Variants in PDE4A observed in about 807,000 individuals in gnomAD.
The protein encoded by PDE4A is 3',5'-cyclic-AMP phosphodiesterase 4A.
A neutral mutation model predicts 73.9 loss-of-function variants in PDE4A; 21 were observed. The ratio of observed to expected loss-of-function variants is 0.28; its 90% CI spans 0.20 to 0.41. PDE4A has a LOEUF of 0.41. Among genes scored for constraint, PDE4A ranks in the 10% least tolerant of loss-of-function variants. The probability of loss-of-function intolerance (pLI) is 1.00; values close to 1 mark genes in which losing one functional copy is unlikely to be tolerated. For synonymous variants in PDE4A, 463 were observed against 505.4 expected, an observed-to-expected ratio of 0.92 and a Z score of 1.13; for missense variants, 958 against 1,211.4, an observed-to-expected ratio of 0.79 and a Z score of 3.10.
chr19:10,425,578 T>C (rs1434776916), intron 1 of PDE4A, among the ~76,000 whole-genome samples: 1 of 152,162 alleles, frequency 6.6e-6, no homozygotes, highest in African/African-American at 2.4e-5. Flanking sequence ...GACTGCAGGC[T>C]CTTATGACTT....
rs1307093301 is a variant in PDE4A, at chr19:10,459,737, T to C, written c.1343T>C (p.Leu448Pro). Reference protein sequence around the residue: ...AADVLQSTHVLLATPALDAVF... With the variant: ...AADVLQSTHVPLATPALDAVF... ...GACGTGCTGCAGTCCACCCACGTAC[T>C]GCTGGCCACGCCTGCACTAGATGTG... Residue 448 changes from leucine (L) to proline (P), a missense_variant, in exon 10 of 15, where the codon CTG (leucine) becomes CCG (proline). Coordinates refer to ENST00000380702, the MANE Select transcript of PDE4A (RefSeq NM_001111307.2). 1 of 1,612,582 alleles carries C rather than the reference T, an allele frequency of 6.2e-7. No individual in the cohort carries two copies. The highest frequency in any genetic ancestry group is 1.1e-5 in the South Asian group (1 of 90,948).
In PDE4A at chr19:10,461,602, G is replaced by A; in HGVS notation, c.1542G>A (p.Leu514=). 6.2e-7 allele frequency: 1 copy of A among 1,613,710 alleles called. No individual in the cohort carries two copies. Among genetic ancestry groups the A allele is most frequent in the Non-Finnish European group, 8.5e-7 (1 of 1,179,870 alleles). Residue 514 remains leucine (L), a synonymous_variant, in exon 12 of 15, where the codon CTG becomes CTA. Transcript: ENST00000380702. ...NHHLAVGFKL[L]QEDNCDIFQN... ...ACCTGGCCGTGGGCTTCAAGCTGCT[G>A]CAGGAGGACAACTGCGACATCTTCC...
At position 10,453,145 on chromosome 19, in the gene PDE4A, C is replaced by T. The variant is rs1599440323; in HGVS notation, c.784-1684C>T. ...CCTGCTGGGCCGGCCCAGGCCCCTC[C>T]GCGGCTCCCCCTTCCACTACCCACC... On this transcript the variant is annotated intron_variant, in intron 6 of 14. Transcript: ENST00000380702. The surrounding 1 kb of genome is among the most constrained non-coding windows in gnomAD (Gnocchi z 4.6). 3.5e-6 allele frequency: 5 copies of T among 1,429,956 alleles called. No individual in the cohort carries two copies. Among genetic ancestry groups the T allele is most frequent in the South Asian group, 1.5e-5 (1 of 67,446 alleles). The allele number at this position is 1,429,956 out of a possible 1,614,324, so 88.6% of individuals were successfully genotyped here.
chr19:10,460,178 C>T (rs184450497), intron 10 of PDE4A, among the ~76,000 whole-genome samples: 47 of 151,818 alleles, frequency 3.1e-4, no homozygotes, highest in Non-Finnish European at 4.7e-4. Flanking sequence ...CCACTGTGCC[C>T]GGTCAAAAAT....
intron 10 of PDE4A, 168 bp from the exon 11 acceptor site, chr19:10,460,836 G>T: frequency 2.2e-5 from 4 of 185,474 alleles, no homozygotes; most frequent in South Asian, 1.8e-4. Flanking sequence ...TTAAATTTGA[G>T]ACAGGGCCTT....
chr19:10,448,747 G>A (rs983049345), intron 2 of PDE4A, 170 bp from the exon 3 acceptor site: 5 of 901,088 alleles, frequency 5.5e-6, no homozygotes, highest in African/African-American at 1.8e-5. Flanking sequence ...TTTCTTCCAC[G>A]ATCAGCCCTG....
intron 2 of PDE4A, among the ~76,000 whole-genome samples, chr19:10,448,479 A>T (rs1201768658): frequency 6.6e-6 from 1 of 151,924 alleles, no homozygotes; most frequent in Non-Finnish European, 1.5e-5. Context: ...TCTACTAAAA[A>T]TACAAAAATT....
intron 1 of PDE4A, among the ~76,000 whole-genome samples, chr19:10,439,982 C>CTTT (rs1162121051): frequency 0.12 from 13,391 of 113,876 alleles, 1,242 homozygotes; most frequent in South Asian, 0.18. Context: ...ATGGTATCTC[C>CTTT]TTTTTTTTTT....
At chr19:10,426,597 G>GCC (rs2042721258) in intron 1 of PDE4A, among the ~76,000 whole-genome samples, 1 of 152,120 alleles carries the variant, frequency 6.6e-6, no homozygotes, top group Non-Finnish European at 1.5e-5. Flanking sequence ...AGGGCTGGGT[G>GCC]CGGTGGCTCA....
In PDE4A at chr19:10,449,031, G is replaced by T. The variant is rs368598645; in HGVS notation, c.550-49G>T. 2.5e-6 allele frequency: 4 copies of T among 1,610,806 alleles called. No individual in the cohort carries two copies. In the Admixed American group the frequency reaches 6.7e-5, roughly 27 times the overall value. ...ACACTTGGGGACAGGGCCCAGCCCC[G>T]CTGCCTCTCTAGGGGAACCCCACTC... On this transcript the variant is annotated intron_variant, in intron 3 of 14. Coordinates refer to ENST00000380702, the MANE Select transcript of PDE4A (RefSeq NM_001111307.2).
At chr19:10,446,463 G>A in intron 2 of PDE4A, 54 bp downstream of exon 2, 1 of 1,570,140 alleles carries the variant, frequency 6.4e-7, no homozygotes, top group South Asian at 1.2e-5. Flanking sequence ...CCTGCTGGAA[G>A]CTGCCCTTCC....
chr19:10,434,152 TCTTC>T lies in PDE4A; in HGVS notation c.321-12050_321-12047del, dbSNP rs939436331. Reference sequence around the variant, plus strand: ...CTTTATGTGCCTCAGTTTCTTTCTTTCTTCCTTCCTTCCTTCCTTTCTTTCTTCC... The same window carrying T: ...CTTTATGTGCCTCAGTTTCTTTCTTTCTTCCTTCCTTCCTTTCTTTCTTCC... On this transcript the variant is annotated intron_variant, in intron 1 of 14. Transcript: ENST00000380702. Among the ~76,000 whole-genome samples the T allele has an allele frequency of 1.9e-3, 276 of 142,170 alleles. 2 individuals carry two copies. The highest frequency in any genetic ancestry group is 6.7e-3 in the African/African-American group (243 of 36,492). The allele number at this position is 142,170 out of a possible 152,430, so 93.3% of individuals were successfully genotyped here.
Position 10,467,367 on chromosome 19 carries a change from G to A in PDE4A, c.2407G>A (p.Val803Met), listed in dbSNP as rs200409316. ...TGAGTTCTCGTCCCGGGAGGAATTC[G>A]TGGTTGCTGTAAGCCACAGCAGCCC... is the stretch of plus-strand genomic sequence containing the variant. ...PDEFSSREEF[V>M]VAVSHSSPSA... is the part of the protein sequence containing the mutation. The change falls in exon 15 of 15, where the codon GTG (valine) becomes ATG (methionine). Residue 803 changes from valine (V) to methionine (M), a missense_variant. By Grantham distance (21) the Val-to-Met change is conservative. Transcript: ENST00000380702. The A allele has an allele frequency of 3.9e-5, 63 of 1,614,068 alleles. No homozygotes were observed. The highest frequency in any genetic ancestry group is 5.3e-5 in the Non-Finnish European group (63 of 1,180,024).
At chr19:10,439,868 G>A (rs1020038578) in intron 1 of PDE4A, among the ~76,000 whole-genome samples, 1 of 152,066 alleles carries the variant, frequency 6.6e-6, no homozygotes, top group Admixed American at 6.6e-5. Context: ...TCAGGACACA[G>A]CTGTCCCCAA....
chr19:10,448,764 T>C (rs563589006), intron 2 of PDE4A, 153 bp from the exon 3 acceptor site: 4 of 952,536 alleles, frequency 4.2e-6, no homozygotes, highest in Admixed American at 6.2e-5. Flanking sequence ...CCTGGACACA[T>C]ATCCACCCTT....
intron 10 of PDE4A, among the ~76,000 whole-genome samples, chr19:10,459,965 C>T (rs1016770582): frequency 3.9e-5 from 6 of 152,222 alleles, no homozygotes; most frequent in Admixed American, 2.0e-4. Context: ...ACTGCAACCT[C>T]TGCCTCCCGG....
Position 10,446,277 on chromosome 19 carries a change from C to T in PDE4A, c.380C>T (p.Ala127Val), listed in dbSNP as rs370427610. 1.7e-5 allele frequency: 28 copies of T among 1,605,560 alleles called. No individual in the cohort carries two copies. The highest frequency in any genetic ancestry group is 1.6e-4 in the African/African-American group (12 of 74,696). Residue 127 changes from alanine to valine, a missense_variant, in exon 2 of 15, where the codon GCG (alanine) becomes GTG (valine). Coordinates refer to ENST00000380702, the MANE Select transcript of PDE4A (RefSeq NM_001111307.2). ...GGCCGCAGCCCCCTGGACTCGCAGG[C>T]GAGCCCAGGACTCGTGCTGCACGCC... ...SPGRSPLDSQ[A>V]SPGLVLHAGA... is the part of the protein sequence containing the mutation.
In PDE4A at chr19:10,459,679, G is replaced by A. The variant is rs755812532; in HGVS notation, c.1285G>A (p.Asp429Asn). The A allele has an allele frequency of 1.1e-5, 17 of 1,614,206 alleles. No individual in the cohort carries two copies. Among genetic ancestry groups the A allele is most frequent in the Non-Finnish European group, 1.4e-5 (17 of 1,180,042 alleles). ...MLTLEDHYHA[D>N]VAYHNSLHAA... is the part of the protein sequence containing the mutation. ...GACGCTGGAGGATCACTACCACGCTGACGTGGCCTACCATAACAGCCTGCA... is the reference window on the plus strand; with the variant it reads ...GACGCTGGAGGATCACTACCACGCTAACGTGGCCTACCATAACAGCCTGCA... The change falls in exon 10 of 15, where the codon GAC (aspartate) becomes AAC (asparagine). Residue 429 changes from aspartate to asparagine, a missense_variant. Transcript: ENST00000380702.
Position 10,459,749 on chromosome 19 carries a change from C to G in PDE4A, c.1355C>G (p.Pro452Arg). 6.2e-7 allele frequency: 1 copy of G among 1,610,494 alleles called. No homozygotes were observed. Residue 452 changes from proline (P) to arginine (R), a missense_variant, in exon 10 of 15, where the codon CCT becomes CGT. Physicochemically the swap from Pro to Arg is moderately radical, Grantham distance 103. Transcript: ENST00000380702. Reference protein sequence around the residue: ...LQSTHVLLATPALDAVFTDLE... With the variant: ...LQSTHVLLATRALDAVFTDLE... ...TCCACCCACGTACTGCTGGCCACGC[C>G]TGCACTAGATGTGAGTGACTGCCCT...
Sources: gnomAD v4.1 joint callset for allele counts (sites outside exome capture counted in the v4.1 genomes callset) on GRCh38, gnomAD v4.1.1 for gene constraint, Gnocchi (gnomAD v3.1) non-coding constraint, MANE v1.5 for transcripts, NCBI Gene and HGNC (gene_info 2026-07-23, HGNC 2026-07-21) for gene names.